RIPOR2: variants seen among roughly 807,000 people sequenced by gnomAD.
The protein encoded by RIPOR2 is rho family-interacting cell polarization regulator 2.
A neutral mutation model predicts 114.5 loss-of-function variants in RIPOR2; 39 were observed. That is an observed-to-expected ratio of 0.34 (90% CI 0.26 to 0.44). The LOEUF is 0.44. Ranked by LOEUF, RIPOR2 falls within the 20% of genes least tolerant of loss-of-function variation. The pLI, the probability that RIPOR2 is intolerant of heterozygous loss-of-function variation, is 1.00. For missense variants in RIPOR2, 1,007 were observed against 1,255.1 expected, an observed-to-expected ratio of 0.80 and a Z score of 2.99; for synonymous variants, 445 against 484.4, an observed-to-expected ratio of 0.92 and a Z score of 1.07.
intron 16 of RIPOR2, among the ~76,000 whole-genome samples, chr6:24,831,715 A>T (rs1283028526): frequency 6.6e-6 from 1 of 152,216 alleles, no homozygotes; most frequent in African/African-American, 2.4e-5. Flanking sequence ...AAACAGACAT[A>T]AATTTTGGTT....
chr6:25,041,405 GA>G (rs1777458320), intron 1 of RIPOR2, among the ~76,000 whole-genome samples: 1 of 152,224 alleles, frequency 6.6e-6, no homozygotes, highest in Non-Finnish European at 1.5e-5. Context: ...CCCTTTAAAG[GA>G]AATATGACTC....
chr6:25,012,926 C>T (rs1336076519), intron 1 of RIPOR2, among the ~76,000 whole-genome samples: 1 of 151,988 alleles, frequency 6.6e-6, no homozygotes, highest in Non-Finnish European at 1.5e-5. Flanking sequence ...AAACAGATTG[C>T]ACAATCCCTG....
chr6:24,930,031 C>T (rs1771263288), intron 1 of RIPOR2, among the ~76,000 whole-genome samples: 1 of 152,196 alleles, frequency 6.6e-6, no homozygotes, highest in Non-Finnish European at 1.5e-5. Context: ...GCTGCAATCA[C>T]ACCACTGCAC....
intron 1 of RIPOR2, among the ~76,000 whole-genome samples, chr6:24,955,922 T>C (rs1401891542): frequency 6.6e-6 from 1 of 150,982 alleles, no homozygotes; most frequent in Non-Finnish European, 1.5e-5. Context: ...GGCAGGAGAA[T>C]TGCTTGAACC....
chr6:24,818,138 A>T (rs1759331648), intron 20 of RIPOR2, among the ~76,000 whole-genome samples: 1 of 151,740 alleles, frequency 6.6e-6, no homozygotes, highest in Non-Finnish European at 1.5e-5. Context: ...TAGTTTTTGT[A>T]TTTTTGTAGA....
Position 24,911,022 on chromosome 6 carries a change from G to T in RIPOR2, c.61+24816C>A, listed in dbSNP as rs545122210. The T allele has an allele frequency of 2.7e-5, 26 of 973,656 alleles. No homozygotes were observed. The Admixed American group carries it at 1.4e-3, about 51-fold the overall frequency. The allele number at this position is 973,656 out of a possible 1,614,324, so 60.3% of individuals were successfully genotyped here. A position where few individuals can be genotyped will look rare whatever the true frequency, so the allele number is the denominator to read the frequency against. ...CAGCGCCGGCTGCCCTGCCGCGTCC[G>T]CTCGCAGCAGCTGCGGCGCGCGGGG... On this transcript the variant is annotated intron_variant, in intron 1 of 21. Coordinates refer to ENST00000643898, the MANE Select transcript of RIPOR2 (RefSeq NM_001286445.3).
chr6:24,875,612 G>T, intron 2 of RIPOR2, 79 bp downstream of exon 2: 2 of 1,409,872 alleles, frequency 1.4e-6, no homozygotes, highest in Non-Finnish European at 1.9e-6. Flanking sequence ...AAGGCTGAAT[G>T]CACACAGACC....
chr6:24,938,821 T>C (rs141523059), upstream of RIPOR2, among the ~76,000 whole-genome samples: 559 of 152,284 alleles, frequency 3.7e-3, 5 homozygotes, highest in Admixed American at 3.7e-3. Context: ...GTTCTTGCTC[T>C]CCAAAGTTTA....
chr6:24,853,763 G>C (rs910331308), intron 8 of RIPOR2, among the ~76,000 whole-genome samples: 5 of 152,022 alleles, frequency 3.3e-5, no homozygotes, highest in African/African-American at 1.2e-4. Context: ...TCCAAGAGTG[G>C]GATAATACTA....
chr6:24,852,421 A>G (rs1763049855), intron 9 of RIPOR2, among the ~76,000 whole-genome samples, 154 bp downstream of exon 9: 1 of 152,062 alleles, frequency 6.6e-6, no homozygotes, highest in Non-Finnish European at 1.5e-5. Flanking sequence ...GAAGTCCTGT[A>G]CCAGTTTCCA....
At chr6:24,866,598 C>T (rs985146035) in intron 6 of RIPOR2, among the ~76,000 whole-genome samples, 2 of 148,878 alleles carry the variant, frequency 1.3e-5, no homozygotes, top group African/African-American at 2.5e-5. Flanking sequence ...AAGTGATCCT[C>T]TTAACCTCCC....
At chr6:24,853,992 T>C (rs1275553685) in intron 8 of RIPOR2, among the ~76,000 whole-genome samples, 2 of 151,666 alleles carry the variant, frequency 1.3e-5, no homozygotes, top group African/African-American at 2.4e-5. Flanking sequence ...TGGTGGTGCA[T>C]GCCTGTAGTC....
intron 1 of RIPOR2, among the ~76,000 whole-genome samples, chr6:24,912,148 C>T (rs1310685724): frequency 6.6e-6 from 1 of 152,160 alleles, no homozygotes; most frequent in Non-Finnish European, 1.5e-5. Flanking sequence ...GCTTGATCCC[C>T]AGAAAGAACG....
intron 13 of RIPOR2, chr6:24,839,652 A>T: frequency 6.5e-7 from 1 of 1,539,468 alleles, no homozygotes; most frequent in Non-Finnish European, 8.7e-7. Flanking sequence ...AAAACAAAAA[A>T]CAAAACCATG....
At chr6:24,977,493 A>G (rs1774118951) in intron 1 of RIPOR2, among the ~76,000 whole-genome samples, 1 of 152,224 alleles carries the variant, frequency 6.6e-6, no homozygotes, top group Non-Finnish European at 1.5e-5. Flanking sequence ...TCTATCAGAT[A>G]CATAACAGGA....
rs550370219 is a variant in RIPOR2, at chr6:25,016,161, G to T, written c.76+25690C>A. 2.0e-5 allele frequency among the ~76,000 whole-genome samples: 3 copies of T among 151,892 alleles called. No homozygotes were observed. The South Asian group carries it at 6.3e-4, about 32-fold the overall frequency. ...ACCTTAGGTGATTCACCCGCCTCGG[G>T]CTCCCAAAGTGCTGGGATTAAGGCA... is the stretch of plus-strand genomic sequence containing the variant. On this transcript the variant is annotated intron_variant, in intron 1 of 13. Transcript: ENST00000510784.
At chr6:24,979,712 G>C (rs1324899186) in intron 1 of RIPOR2, among the ~76,000 whole-genome samples, 1 of 152,122 alleles carries the variant, frequency 6.6e-6, no homozygotes, top group Non-Finnish European at 1.5e-5. Context: ...GTTTCAATTT[G>C]GAAAATTCAA....
chr6:24,825,028 G>A (rs184962201), intron 19 of RIPOR2, among the ~76,000 whole-genome samples, 198 bp downstream of exon 19: 1 of 152,274 alleles, frequency 6.6e-6, no homozygotes, highest in Admixed American at 6.5e-5. Context: ...GAGGCAGTAT[G>A]TTATTAATAG....
In RIPOR2 at chr6:24,969,018, C is replaced by A. The variant is rs1773655855; in HGVS notation, c.76+72833G>T. ...TCCCTTTTTTCATGACTTTCAACCA[C>A]CTTCCCATCATTAGACAAGCGATAT... On this transcript the variant is annotated intron_variant, in intron 1 of 13. Coordinates refer to the RIPOR2 transcript ENST00000510784. 3.3e-5 allele frequency among the ~76,000 whole-genome samples: 5 copies of A among 152,274 alleles called. No homozygotes were observed. In the South Asian group the frequency reaches 1.0e-3, roughly 32 times the overall value.
Sources: allele counts gnomAD v4.1 joint callset (sites outside exome capture counted in the v4.1 genomes callset), GRCh38; gene constraint gnomAD v4.1.1; transcripts MANE v1.5; gene names NCBI Gene and HGNC (gene_info 2026-07-23, HGNC 2026-07-21).